The following HACE1 variants were observed in gnomAD, a reference collection of about 807,000 sequenced individuals.
HACE1 encodes the protein E3 ubiquitin-protein ligase HACE1.
Under a neutral mutation model 118.4 loss-of-function variants are expected in HACE1, and 73 were observed. The observed-to-expected ratio is 0.62, with a 90% CI of 0.51 to 0.75. HACE1 has a LOEUF of 0.75. Among genes scored for constraint, HACE1 ranks in the 30% least tolerant of loss-of-function variants. The probability of loss-of-function intolerance (pLI) is 0.00; values close to 1 mark genes in which losing one functional copy is unlikely to be tolerated. For synonymous variants in HACE1, 368 were observed against 374.8 expected (o/e 0.98, Z 0.21); for missense variants, 749 against 1,102.2 (o/e 0.68, Z 4.54).
intron 22 of HACE1, among the ~76,000 whole-genome samples, chr6:104,739,504 AG>A (rs1179175472): frequency 3.9e-5 from 6 of 152,028 alleles, no homozygotes; most frequent in Admixed American, 3.9e-4. Context: ...AAAAAAAGGC[AG>A]GGGTTGCAAT....
At position 104,771,243 on chromosome 6, in the gene HACE1, C is replaced by A; in HGVS notation, c.2161G>T (p.Val721Leu). The A allele has an allele frequency of 3.7e-6, 6 of 1,613,704 alleles. No homozygotes were observed. The highest frequency in any genetic ancestry group is 3.4e-6 in the Non-Finnish European group (4 of 1,179,650). The change falls in exon 19 of 24, where the codon GTG becomes TTG. Residue 721 changes from valine (V) to leucine (L), a missense_variant. Around this residue, in one of 5 missense-constraint regions of HACE1, gnomAD observed 165 missense variants for 229.9 expected, o/e 0.72. Transcript: ENST00000262903. ...ETDVFGAMEE[V>L]PLKPGGGSIL... ...CTCCCACCCCCAGGTTTCAAAGGCACCTCTTCCATTGCTCCAAACACATCA... is the reference window on the plus strand; with the variant it reads ...CTCCCACCCCCAGGTTTCAAAGGCAACTCTTCCATTGCTCCAAACACATCA...
intron 6 of HACE1, among the ~76,000 whole-genome samples, chr6:104,817,293 T>G (rs1008848055): frequency 6.6e-6 from 1 of 151,542 alleles, no homozygotes; most frequent in Non-Finnish European, 1.5e-5. Flanking sequence ...TGGGGGGAGG[T>G]GACTGGATCA....
chr6:104,744,178 A>T lies in HACE1; in HGVS notation c.2495T>A (p.Leu832Ter). ...TGCTTACCTGCCCGTAACAAACTGT[A>T]AGAGAAGAACTCTCTCCTCTTGAGT... The part of the protein sequence containing the change: ...DITQEERVLL[L>*]QFVTGSSRVP... The change falls in exon 22 of 24, where the codon TTA (leucine) becomes TAA (stop). Residue 832 changes from leucine (L) to a stop codon, truncating the protein, a stop_gained. Transcript: ENST00000262903. LOFTEE classifies it high-confidence loss of function. 1 of 1,598,012 alleles carries T rather than the reference A, an allele frequency of 6.3e-7. No individual in the cohort carries two copies. Among genetic ancestry groups the T allele is most frequent in the Non-Finnish European group, 8.6e-7 (1 of 1,165,522 alleles).
intron 19 of HACE1, among the ~76,000 whole-genome samples, chr6:104,753,465 G>C: frequency 6.6e-6 from 1 of 152,178 alleles, no homozygotes; most frequent in East Asian, 1.9e-4. Flanking sequence ...GGGGTCTCCA[G>C]CCACCTCTTA....
At position 104,859,753 on chromosome 6, in the gene HACE1, G is replaced by T; in HGVS notation, c.-111C>A. 1 of 1,024,818 alleles carries T rather than the reference G, an allele frequency of 9.8e-7. No homozygotes were observed. The highest frequency in any genetic ancestry group is 1.4e-6 in the Non-Finnish European group (1 of 706,108). 63.5% of individuals were successfully genotyped at this position (1,024,818 alleles called of 1,614,324 possible). A position where few individuals can be genotyped will look rare whatever the true frequency, so the allele number is the denominator to read the frequency against. ...GTCCAGCAGGCGGAGACGCGGGCTTGCCCCGGCTAGAGCACTGAGCTGCGA... is the reference window on the plus strand; with the variant it reads ...GTCCAGCAGGCGGAGACGCGGGCTTTCCCCGGCTAGAGCACTGAGCTGCGA... On this transcript the variant is annotated 5_prime_UTR_variant, in exon 1 of 24. Coordinates refer to ENST00000262903, the MANE Select transcript of HACE1 (RefSeq NM_020771.4).
chr6:104,763,977 G>A (rs1779687411), intron 19 of HACE1, among the ~76,000 whole-genome samples: 1 of 151,738 alleles, frequency 6.6e-6, no homozygotes, highest in African/African-American at 2.4e-5. Flanking sequence ...AACCTGAGAG[G>A]CAAAGGTTGT....
At chr6:104,734,219 C>A (rs1294568153) in intron 22 of HACE1, among the ~76,000 whole-genome samples, 3 of 150,796 alleles carry the variant, frequency 2.0e-5, no homozygotes, top group Non-Finnish European at 4.4e-5. Context: ...TTTAAGATGG[C>A]CTTATAGAGC....
At chr6:104,792,181 T>C (rs1033331825) in intron 10 of HACE1, among the ~76,000 whole-genome samples, 1 of 152,138 alleles carries the variant, frequency 6.6e-6, no homozygotes, top group Non-Finnish European at 1.5e-5. Context: ...ATTCACAAAT[T>C]GAAAAATTTA....
At chr6:104,778,914 A>AAT (rs1489904090) in intron 14 of HACE1, among the ~76,000 whole-genome samples, 1 of 152,146 alleles carries the variant, frequency 6.6e-6, no homozygotes, top group African/African-American at 2.4e-5. Flanking sequence ...ACACTCCTAG[A>AAT]AGGTACTGGT....
rs182967391 is a variant in HACE1 at position 104,732,771 on chromosome 6, T to C, written c.2514-2355A>G. ...GTCTATTTGAAATCACTGATATGTATACATCCACAGGGAAAAAAACATTTA... is the reference window on the plus strand; with the variant it reads ...GTCTATTTGAAATCACTGATATGTACACATCCACAGGGAAAAAAACATTTA... On this transcript the variant is annotated intron_variant, in intron 22 of 23. Transcript: ENST00000262903. Among the ~76,000 whole-genome samples the C allele has an allele frequency of 7.3e-4, 111 of 152,330 alleles. 1 individual carries two copies. The highest frequency in any genetic ancestry group is 2.2e-3 in the Admixed American group (33 of 15,296).
Position 104,728,889 on chromosome 6 carries a change from G to A in HACE1, c.*773C>T, listed in dbSNP as rs1264222966. On this transcript the variant is annotated 3_prime_UTR_variant, in exon 24 of 24. Coordinates refer to ENST00000262903, the MANE Select transcript of HACE1 (RefSeq NM_020771.4). ...TCAGATTACTTTTTCAGATGTGTCA[G>A]AGCTCACAGATAAAAGTAATGAAAA... 2 of 152,446 alleles carry A rather than the reference G, an allele frequency of 1.3e-5. No individual in the cohort carries two copies. The highest frequency in any genetic ancestry group is 4.8e-5 in the African/African-American group (2 of 41,398). The allele number at this position is 152,446 out of a possible 1,614,324, so 9.4% of individuals were successfully genotyped here. A position where few individuals can be genotyped will look rare whatever the true frequency, so the allele number is the denominator to read the frequency against.
At chr6:104,737,931 T>C (rs1254755082) in intron 22 of HACE1, among the ~76,000 whole-genome samples, 2 of 152,292 alleles carry the variant, frequency 1.3e-5, no homozygotes, top group South Asian at 4.2e-4. Flanking sequence ...TGTCCCTGTC[T>C]CACAGCTTTG....
chr6:104,745,283 T>G (rs1467681572), intron 20 of HACE1, among the ~76,000 whole-genome samples: 1 of 152,022 alleles, frequency 6.6e-6, no homozygotes, highest in African/African-American at 2.4e-5. Context: ...AAAATGAAAT[T>G]AAGAATGGCA....
At position 104,753,622 on chromosome 6, in the gene HACE1, G is replaced by C. The variant is rs143267273; in HGVS notation, c.2212-3150C>G. On this transcript the variant is annotated intron_variant, in intron 19 of 23. Coordinates refer to ENST00000262903, the MANE Select transcript of HACE1 (RefSeq NM_020771.4). ...GAGAAACCAAGGCAACTGGGGTCTGGAGAGGACCCCTGGCAAACCACAGCA... is the reference window on the plus strand; with the variant it reads ...GAGAAACCAAGGCAACTGGGGTCTGCAGAGGACCCCTGGCAAACCACAGCA... 2.7e-3 allele frequency among the ~76,000 whole-genome samples: 415 copies of C among 152,252 alleles called. 2 individuals carry two copies. Among genetic ancestry groups the C allele is most frequent in the African/African-American group, 9.3e-3 (386 of 41,546 alleles).
At chr6:104,828,165 G>A (rs916512178) in intron 6 of HACE1, among the ~76,000 whole-genome samples, 10 of 151,866 alleles carry the variant, frequency 6.6e-5, no homozygotes, top group East Asian at 1.9e-4. Flanking sequence ...TCCAAAAAGC[G>A]TTAATAAATT....
At chr6:104,816,183 A>T (rs1426483289) in intron 6 of HACE1, among the ~76,000 whole-genome samples, 1 of 152,258 alleles carries the variant, frequency 6.6e-6, no homozygotes, top group Non-Finnish European at 1.5e-5. Context: ...CCAGCTGCAG[A>T]AGTGTACATA....
chr6:104,732,028 G>C (rs944695950), intron 22 of HACE1: 3 of 152,016 alleles, frequency 2.0e-5, no homozygotes, highest in African/African-American at 7.2e-5. Flanking sequence ...TCATTAAGAT[G>C]ACTATCGGCA....
chr6:104,764,690 A>G (rs911872453), intron 19 of HACE1, among the ~76,000 whole-genome samples: 19 of 152,240 alleles, frequency 1.2e-4, no homozygotes, highest in African/African-American at 4.6e-4. Context: ...CTACTTCATC[A>G]TCAATGAATG....
chr6:104,813,501 C>A (rs1429929980), intron 6 of HACE1, among the ~76,000 whole-genome samples: 1 of 138,246 alleles, frequency 7.2e-6, no homozygotes, highest in Non-Finnish European at 1.6e-5. Context: ...GAACATGAGG[C>A]AACTTTTTTA....
Sources: gnomAD v4.1 joint callset for allele counts (sites outside exome capture counted in the v4.1 genomes callset) on GRCh38, gnomAD v4.1.1 for gene constraint, gnomAD v4.1.1 regional missense constraint, MANE v1.5 for transcripts, NCBI Gene and HGNC (gene_info 2026-07-23, HGNC 2026-07-21) for gene names.